The following ROBO1 variants were observed in gnomAD, a reference collection of about 807,000 sequenced individuals.
ROBO1 encodes the protein roundabout homolog 1.
A neutral mutation model predicts 195.9 loss-of-function variants in ROBO1; 149 were observed. The ratio of observed to expected loss-of-function variants is 0.76; its 90% CI spans 0.67 to 0.87. ROBO1 has a LOEUF of 0.87. Ranked by LOEUF, ROBO1 falls within the 40% of genes least tolerant of loss-of-function variation. The probability of loss-of-function intolerance (pLI) is 0.00; values close to 1 mark genes in which losing one functional copy is unlikely to be tolerated. For missense variants in ROBO1, 1,933 were observed against 2,068.3 expected (o/e 0.93, Z 1.27); for synonymous variants, 816 against 733.2 (o/e 1.11, Z -1.82).
At chr3:78,698,291 C>T (rs377120103) in intron 8 of ROBO1, among the ~76,000 whole-genome samples, 5 of 152,190 alleles carry the variant, frequency 3.3e-5, no homozygotes, top group African/African-American at 1.2e-4. Flanking sequence ...TACATAGATA[C>T]TCATGAATGA....
chr3:79,063,457 T>C (rs1208702025), intron 3 of ROBO1, among the ~76,000 whole-genome samples: 1 of 151,572 alleles, frequency 6.6e-6, no homozygotes, highest in Non-Finnish European at 1.5e-5. Flanking sequence ...TATTCTACAG[T>C]TTCTTCTCAT....
intron 10 of ROBO1, among the ~76,000 whole-genome samples, chr3:78,674,319 T>G (rs1440954181): frequency 6.6e-6 from 1 of 152,206 alleles, no homozygotes; most frequent in Non-Finnish European, 1.5e-5. Context: ...TTGTTCTGTT[T>G]GCAAACAGTA....
intron 1 of ROBO1, among the ~76,000 whole-genome samples, chr3:79,688,984 T>A (rs1482568126): frequency 6.6e-6 from 1 of 152,070 alleles, no homozygotes; most frequent in Non-Finnish European, 1.5e-5. Flanking sequence ...CTCTGTTTTA[T>A]AATTATTAGA....
intron 2 of ROBO1, among the ~76,000 whole-genome samples, chr3:79,433,462 C>G (rs1307663685): frequency 6.6e-6 from 1 of 151,984 alleles, no homozygotes; most frequent in African/African-American, 2.4e-5. Context: ...GTGATTATAG[C>G]TCACATCCTC....
intron 29 of ROBO1, among the ~76,000 whole-genome samples, chr3:78,601,791 T>A (rs1703187156): frequency 1.3e-5 from 2 of 152,124 alleles, no homozygotes; most frequent in East Asian, 1.9e-4. Context: ...AGAAAATTGA[T>A]AATGCTAACC....
chr3:79,148,974 A>G (rs1260042134), intron 2 of ROBO1, among the ~76,000 whole-genome samples: 2 of 151,880 alleles, frequency 1.3e-5, no homozygotes, highest in African/African-American at 2.4e-5. Flanking sequence ...GCGCCAAGTG[A>G]GTCATTGTTT....
chr3:79,568,886 A>T (rs1943178405), intron 2 of ROBO1, among the ~76,000 whole-genome samples: 1 of 152,088 alleles, frequency 6.6e-6, no homozygotes, highest in Admixed American at 6.6e-5. Flanking sequence ...CTGAAATTTC[A>T]GGAAACTAGT....
intron 2 of ROBO1, among the ~76,000 whole-genome samples, chr3:79,520,848 AAAC>A (rs1941179059): frequency 6.6e-6 from 1 of 152,218 alleles, no homozygotes; most frequent in Non-Finnish European, 1.5e-5. Flanking sequence ...CCAAAAAAAA[AAAC>A]ACTTTTATTT....
chr3:78,828,379 C>T (rs1489000678), intron 4 of ROBO1, among the ~76,000 whole-genome samples: 1 of 152,152 alleles, frequency 6.6e-6, no homozygotes, highest in Non-Finnish European at 1.5e-5. Flanking sequence ...ACAGATTGCA[C>T]TGCTAGAATA....
chr3:79,728,438 G>A (rs530481368), intron 1 of ROBO1, among the ~76,000 whole-genome samples: 27 of 152,114 alleles, frequency 1.8e-4, no homozygotes, highest in African/African-American at 4.6e-4. Flanking sequence ...ATATTTCATC[G>A]ATAACTCTTT....
At chr3:78,618,284 T>C (rs1182239942) in intron 26 of ROBO1, among the ~76,000 whole-genome samples, 2 of 152,212 alleles carry the variant, frequency 1.3e-5, no homozygotes, top group East Asian at 3.8e-4. Context: ...TAGTCAGTTA[T>C]CTCTAAGCCT....
At chr3:79,428,459 T>A (rs1404663006) in intron 2 of ROBO1, among the ~76,000 whole-genome samples, 1 of 152,192 alleles carries the variant, frequency 6.6e-6, no homozygotes, top group Non-Finnish European at 1.5e-5. Flanking sequence ...ATAGTTATCA[T>A]TTCAATTATT....
chr3:79,727,743 C>G (rs944804534), intron 1 of ROBO1, among the ~76,000 whole-genome samples: 9 of 152,158 alleles, frequency 5.9e-5, no homozygotes, highest in Non-Finnish European at 1.2e-4. Flanking sequence ...TGCCTGCACC[C>G]TTTTAAAATC....
intron 2 of ROBO1, among the ~76,000 whole-genome samples, chr3:79,336,916 T>C (rs2034695627): frequency 6.6e-6 from 1 of 152,202 alleles, no homozygotes; most frequent in African/African-American, 2.4e-5. Flanking sequence ...TCAAAGGAGA[T>C]CATTTTGTAA....
chr3:79,471,345 A>T (rs1354221628), intron 2 of ROBO1, among the ~76,000 whole-genome samples: 1 of 152,236 alleles, frequency 6.6e-6, no homozygotes, highest in African/African-American at 2.4e-5. Context: ...CAAAGAAAAC[A>T]GTCAACAGTG....
intron 2 of ROBO1, among the ~76,000 whole-genome samples, chr3:79,445,408 G>A (rs1487255356): frequency 6.7e-6 from 1 of 149,206 alleles, no homozygotes; most frequent in Non-Finnish European, 1.5e-5. Flanking sequence ...ATCATGAGTA[G>A]AACTATATAC....
Position 78,597,521 on chromosome 3 carries a change from T to TATC in ROBO1, c.*1389_*1391dup, listed in dbSNP as rs1702895685. The TATC allele has an allele frequency of 1.3e-5, 2 of 152,382 alleles. No individual in the cohort carries two copies. The highest frequency in any genetic ancestry group is 4.8e-5 in the African/African-American group (2 of 41,356). The allele number at this position is 152,382 out of a possible 1,614,324, so 9.4% of individuals were successfully genotyped here. On this transcript the variant is annotated 3_prime_UTR_variant, in exon 31 of 31. Coordinates refer to ENST00000464233, the MANE Select transcript of ROBO1 (RefSeq NM_002941.4). Reference sequence around the variant, plus strand: ...ACTGGGGTCAGACCTGATACTTATCTATCTATGAATAAATGTACATTTTTT... The same window carrying TATC: ...ACTGGGGTCAGACCTGATACTTATCTATCATCTATGAATAAATGTACATTTTTT...
At chr3:79,503,806 C>T (rs1940246618) in intron 2 of ROBO1, among the ~76,000 whole-genome samples, 1 of 152,110 alleles carries the variant, frequency 6.6e-6, no homozygotes, top group African/African-American at 2.4e-5. Flanking sequence ...CTGGATTTGT[C>T]TATAAAAACT....
chr3:78,894,969 C>T (rs2037143814), intron 4 of ROBO1, among the ~76,000 whole-genome samples: 1 of 152,232 alleles, frequency 6.6e-6, no homozygotes, highest in African/African-American at 2.4e-5. Context: ...GCACACTGGC[C>T]ATTGTTCCAT....
Sources: gnomAD v4.1 joint callset for allele counts (sites outside exome capture counted in the v4.1 genomes callset) on GRCh38, gnomAD v4.1.1 for gene constraint, MANE v1.5 for transcripts, NCBI Gene and HGNC (gene_info 2026-07-23, HGNC 2026-07-21) for gene names.